Variants in LEPR observed in about 807,000 individuals in gnomAD.
LEPR encodes the protein OB receptor.
A neutral mutation model predicts 114.7 loss-of-function variants in LEPR; 56 were observed. That is an observed-to-expected ratio of 0.49 (90% CI 0.39 to 0.61). The LOEUF is 0.61. Among genes scored for constraint, LEPR ranks in the 20% least tolerant of loss-of-function variants. The pLI is 0.00. For missense variants in LEPR, 1,202 were observed against 1,352.9 expected, an observed-to-expected ratio of 0.89 and a Z score of 1.75; for synonymous variants, 443 against 461.4, an observed-to-expected ratio of 0.96 and a Z score of 0.51.
At chr1:65,447,127 T>TC (rs1646723949) in intron 2 of LEPR, among the ~76,000 whole-genome samples, 1 of 152,176 alleles carries the variant, frequency 6.6e-6, no homozygotes, top group Non-Finnish European at 1.5e-5. Context: ...CTTTTTTTTT[T>TC]CTTGGATGGA....
At chr1:65,550,435 C>G (rs1407926532) in intron 2 of LEPR, among the ~76,000 whole-genome samples, 4 of 152,224 alleles carry the variant, frequency 2.6e-5, no homozygotes, top group African/African-American at 9.6e-5. Flanking sequence ...CCTACAGAGG[C>G]AGGCAGGCCT....
intron 2 of LEPR, among the ~76,000 whole-genome samples, chr1:65,541,113 G>A (rs957880756): frequency 7.2e-5 from 11 of 152,150 alleles, no homozygotes; most frequent in Admixed American, 2.6e-4. Context: ...ATGAGCCACC[G>A]TGCCTAGTCC....
intron 3 of LEPR, among the ~76,000 whole-genome samples, chr1:65,569,233 C>T (rs1256196727): frequency 6.6e-6 from 1 of 152,092 alleles, no homozygotes; most frequent in Non-Finnish European, 1.5e-5. Context: ...ACTTCTATTT[C>T]CTTACATTAT....
At chr1:65,543,559 A>G (rs960008962) in intron 2 of LEPR, among the ~76,000 whole-genome samples, 1 of 151,934 alleles carries the variant, frequency 6.6e-6, no homozygotes, top group African/African-American at 2.4e-5. Context: ...TATGCCCTGA[A>G]TGGTGTTGCC....
At chr1:65,636,067 G>A (rs913622755) in intron 19 of LEPR, 124 bp from the exon 20 acceptor site, 7 of 1,107,588 alleles carry the variant, frequency 6.3e-6, no homozygotes, top group Non-Finnish European at 7.9e-6. Flanking sequence ...TCAAAAACTA[G>A]TTAATTTGTG....
chr1:65,462,760 C>G (rs1431885929), intron 2 of LEPR, among the ~76,000 whole-genome samples: 1 of 152,222 alleles, frequency 6.6e-6, no homozygotes, highest in Non-Finnish European at 1.5e-5. Flanking sequence ...TGATGATGAG[C>G]ATTTTTTCAT....
At chr1:65,495,587 A>G (rs1158796593) in intron 2 of LEPR, among the ~76,000 whole-genome samples, 1 of 152,222 alleles carries the variant, frequency 6.6e-6, no homozygotes, top group African/African-American at 2.4e-5. Context: ...TGTTGAAAAT[A>G]TATCTGCACT....
intron 14 of LEPR, among the ~76,000 whole-genome samples, chr1:65,613,759 CAAAAAAAAAAAA>C (rs754145031): frequency 3.1e-5 from 1 of 32,286 alleles, no homozygotes; most frequent in African/African-American, 1.8e-4. Context: ...GACTCCGTCT[CAAAAAAAAAAAA>C]AAAAAAAAAA....
chr1:65,439,188 C>G (rs1646612718), intron 2 of LEPR, among the ~76,000 whole-genome samples: 1 of 152,114 alleles, frequency 6.6e-6, no homozygotes, highest in South Asian at 2.1e-4. Flanking sequence ...GTTGAGACAT[C>G]AATTTTCCGC....
intron 2 of LEPR, among the ~76,000 whole-genome samples, chr1:65,452,422 A>G (rs1482728324): frequency 3.3e-5 from 5 of 151,396 alleles, no homozygotes; most frequent in Middle Eastern, 3.4e-3. Flanking sequence ...GGTTTGTCAT[A>G]GATAGCTCTT....
intron 2 of LEPR, among the ~76,000 whole-genome samples, chr1:65,524,882 G>T (rs1226204138): frequency 6.6e-6 from 1 of 152,168 alleles, no homozygotes. Context: ...CAATAAAGAC[G>T]CATTTAATAC....
intron 19 of LEPR, chr1:65,634,943 T>A: frequency 6.2e-6 from 5 of 812,476 alleles, no homozygotes; most frequent in Non-Finnish European, 7.4e-6. Context: ...AATAGGAAAG[T>A]TGTATTAATT....
intron 2 of LEPR, among the ~76,000 whole-genome samples, chr1:65,521,915 C>T (rs1031787392): frequency 2.0e-5 from 3 of 152,036 alleles, no homozygotes; most frequent in Admixed American, 1.3e-4. Context: ...GCCTGGTCAA[C>T]ATTGTGAAAC....
intron 2 of LEPR, among the ~76,000 whole-genome samples, chr1:65,426,009 C>T (rs529771023): frequency 1.9e-4 from 29 of 152,250 alleles, no homozygotes; most frequent in African/African-American, 6.0e-4. Context: ...GTTTGTGTTT[C>T]AGTGGGGGAG....
intron 2 of LEPR, among the ~76,000 whole-genome samples, chr1:65,551,394 CCT>C: frequency 6.6e-6 from 1 of 151,930 alleles, no homozygotes; most frequent in African/African-American, 2.4e-5. Flanking sequence ...AATTTCAGAC[CCT>C]GTTTTTGGTC....
chr1:65,507,537 GTA>G (rs141509569), intron 2 of LEPR, among the ~76,000 whole-genome samples: 4 of 140,448 alleles, frequency 2.8e-5, no homozygotes, highest in African/African-American at 5.3e-5. Flanking sequence ...ATATATGTGT[GTA>G]TATATATATA....
intron 2 of LEPR, among the ~76,000 whole-genome samples, chr1:65,449,223 T>C (rs1243849432): frequency 1.3e-5 from 2 of 152,014 alleles, no homozygotes; most frequent in Non-Finnish European, 2.9e-5. Flanking sequence ...TTGTTTTTCT[T>C]GGTTATCCTA....
intron 5 of LEPR, chr1:65,578,343 T>C (rs1654743999): frequency 4.5e-6 from 1 of 220,194 alleles, no homozygotes; most frequent in African/African-American, 2.3e-5. Flanking sequence ...TGTAAAAATG[T>C]ACCCATAACA....
At chr1:65,476,201 A>G (rs1358152796) in intron 2 of LEPR, among the ~76,000 whole-genome samples, 2 of 150,898 alleles carry the variant, frequency 1.3e-5, no homozygotes, top group Non-Finnish European at 2.9e-5. Context: ...ATTTTATTGT[A>G]GCTTGAATAT....
Sources: gnomAD v4.1 joint callset for allele counts (sites outside exome capture counted in the v4.1 genomes callset) on GRCh38, gnomAD v4.1.1 for gene constraint, MANE v1.5 for transcripts, NCBI Gene and HGNC (gene_info 2026-07-23, HGNC 2026-07-21) for gene names.